Variants in SERPINA6 observed in about 807,000 individuals in gnomAD.
The protein encoded by SERPINA6 is corticosteroid-binding globulin.
SERPINA6 carries 19 observed loss-of-function variants against 26.4 expected under a neutral mutation model. The observed-to-expected ratio is 0.72, with a 90% CI of 0.50 to 1.06. The LOEUF is 1.06. Among genes scored for constraint, SERPINA6 ranks in the 50% least tolerant of loss-of-function variants. SERPINA6 has a pLI of 0.00. For synonymous variants in SERPINA6, 196 were observed against 199.4 expected, an observed-to-expected ratio of 0.98 and a Z score of 0.14; for missense variants, 473 against 504.0, an observed-to-expected ratio of 0.94 and a Z score of 0.59.
intron 1 of SERPINA6, among the ~76,000 whole-genome samples, chr14:94,319,394 T>C (rs925060467): frequency 1.3e-5 from 2 of 152,244 alleles, no homozygotes; most frequent in African/African-American, 4.8e-5. Context: ...GAAAACAATA[T>C]GACAGTTCTT....
At position 94,304,337 on chromosome 14, in the gene SERPINA6, A is replaced by T. The variant is rs1044792962; in HGVS notation, c.*81T>A. 6 of 1,403,774 alleles carry T rather than the reference A, an allele frequency of 4.3e-6. No individual in the cohort carries two copies. Among genetic ancestry groups the T allele is most frequent in the African/African-American group, 1.4e-5 (1 of 70,260 alleles). 87.0% of individuals were successfully genotyped at this position (1,403,774 alleles called of 1,614,324 possible). ...AAGAACTTGGAGGAGATTGGGGGAA[A>T]CCTCCCGCTCTCCAAAACATTTCTG... is the stretch of plus-strand genomic sequence containing the variant. On this transcript the variant is annotated 3_prime_UTR_variant, in exon 5 of 5. Coordinates refer to ENST00000341584, the MANE Select transcript of SERPINA6 (RefSeq NM_001756.4).
intron 3 of SERPINA6, among the ~76,000 whole-genome samples, chr14:94,307,511 G>A (rs1449396117): frequency 6.6e-6 from 1 of 152,204 alleles, no homozygotes; most frequent in Non-Finnish European, 1.5e-5. Flanking sequence ...ATTATTTTTG[G>A]TGTAAAGAAA....
intron 2 of SERPINA6, among the ~76,000 whole-genome samples, chr14:94,313,303 C>A (rs965901886): frequency 6.6e-6 from 1 of 152,172 alleles, no homozygotes; most frequent in Non-Finnish European, 1.5e-5. Flanking sequence ...CTTTCATGTC[C>A]AGGGGGAATT....
At chr14:94,314,776 C>A in intron 1 of SERPINA6, 109 bp from the exon 2 acceptor site, 1 of 1,016,198 alleles carries the variant, frequency 9.8e-7, no homozygotes, top group East Asian at 2.4e-5. Flanking sequence ...GTTCCTTCCT[C>A]CACACTGGCT....
chr14:94,310,091 C>G (rs1320578944), intron 2 of SERPINA6, 85 bp from the exon 3 acceptor site: 3 of 1,385,470 alleles, frequency 2.2e-6, no homozygotes, highest in Non-Finnish European at 3.0e-6. Flanking sequence ...CCAAGTGACA[C>G]AGTGGCCTTC....
chr14:94,313,595 G>C (rs981752954), intron 2 of SERPINA6, among the ~76,000 whole-genome samples: 1 of 152,178 alleles, frequency 6.6e-6, no homozygotes, highest in Non-Finnish European at 1.5e-5. Flanking sequence ...AGGTTTTTAT[G>C]AACAGGAAGA....
At chr14:94,304,880 A>C (rs1367044156) in intron 4 of SERPINA6, among the ~76,000 whole-genome samples, 2 of 152,162 alleles carry the variant, frequency 1.3e-5, no homozygotes, top group African/African-American at 2.4e-5. Flanking sequence ...ACTGGGCTTC[A>C]CTGTCCATGT....
intron 3 of SERPINA6, among the ~76,000 whole-genome samples, chr14:94,308,768 CATTT>C (rs66526244): frequency 6.6e-6 from 1 of 152,180 alleles, no homozygotes; most frequent in Non-Finnish European, 1.5e-5. Context: ...GGGAAAATCT[CATTT>C]GTTTGTGCAT....
chr14:94,309,649 G>T, intron 3 of SERPINA6, 87 bp downstream of exon 3: 1 of 1,475,194 alleles, frequency 6.8e-7, no homozygotes, highest in Non-Finnish European at 9.4e-7. Context: ...GGGAAGGAAG[G>T]ATGCCCCAGC....
chr14:94,308,894 TCACTCACTCACCATTCTATG>T (rs940381399), intron 3 of SERPINA6, among the ~76,000 whole-genome samples: 13 of 152,146 alleles, frequency 8.5e-5, no homozygotes, highest in Admixed American at 2.0e-4. Context: ...ACCCATCCAT[TCACTCACTCACCATTCTATG>T]CACTCACTCA....
At chr14:94,318,721 G>A (rs1343026559) in intron 1 of SERPINA6, among the ~76,000 whole-genome samples, 1 of 152,044 alleles carries the variant, frequency 6.6e-6, no homozygotes, top group Non-Finnish European at 1.5e-5. Context: ...AAAAAAACAT[G>A]GGGGAAAAAC....
At chr14:94,321,320 G>A (rs537416807) in intron 1 of SERPINA6, among the ~76,000 whole-genome samples, 1 of 152,192 alleles carries the variant, frequency 6.6e-6, no homozygotes, top group African/African-American at 2.4e-5. Context: ...AGTTTTCAGG[G>A]ACTCCCCATT....
rs756512109 is a variant in SERPINA6, at chr14:94,306,114, T to C, written c.989A>G (p.Asn330Ser). Residue 330 changes from asparagine (N) to serine (S), a missense_variant, in exon 4 of 5, where the codon AAT becomes AGT. Asn to Ser is a conservative substitution (Grantham distance 46, BLOSUM62 1). Coordinates refer to ENST00000341584, the MANE Select transcript of SERPINA6 (RefSeq NM_001756.4). ...GGCGTCCTGGGTGATGCGTGAGAAA[T>C]TTGCCTGGTTGGTGAACAAGTCTGC... is the stretch of plus-strand genomic sequence containing the variant. The part of the protein sequence containing the change: ...GIADLFTNQA[N>S]FSRITQDAQL... 1.5e-5 allele frequency: 24 copies of C among 1,614,022 alleles called. No individual in the cohort carries two copies. Among genetic ancestry groups the C allele is most frequent in the African/African-American group, 5.3e-5 (4 of 74,896 alleles).
intron 2 of SERPINA6, 117 bp downstream of exon 2, chr14:94,313,919 A>T: frequency 9.4e-7 from 1 of 1,067,160 alleles, no homozygotes. Context: ...GGAGATTCCC[A>T]GATGTGTATG....
At chr14:94,311,483 C>T (rs1895529077) in intron 2 of SERPINA6, among the ~76,000 whole-genome samples, 1 of 152,034 alleles carries the variant, frequency 6.6e-6, no homozygotes, top group Non-Finnish European at 1.5e-5. Context: ...TGGGGTTCAG[C>T]CTCTACTTTA....
chr14:94,316,250 A>G (rs1302200133), intron 1 of SERPINA6, among the ~76,000 whole-genome samples: 1 of 152,224 alleles, frequency 6.6e-6, no homozygotes, highest in Non-Finnish European at 1.5e-5. Flanking sequence ...TCTGTCTTTT[A>G]AAATCTATTG....
chr14:94,323,096 T>G (rs1895706930), intron 1 of SERPINA6, among the ~76,000 whole-genome samples, 171 bp downstream of exon 1: 1 of 151,982 alleles, frequency 6.6e-6, no homozygotes, highest in African/African-American at 2.4e-5. Flanking sequence ...GACTCCGGGG[T>G]CTGGAAAATC....
Position 94,306,203 on chromosome 14 carries a change from G to C in SERPINA6, c.900C>G (p.Tyr300Ter). ...CTCCAGAGATGGTGACCTTTGGAAT[G>C]TACAGGTCCACCTGGCTGCTCGGGG... ...AGLTSSQVDL[Y>*]IPKVTISGVY... The change falls in exon 4 of 5, where the codon TAC becomes TAG. Residue 300 changes from tyrosine (Y) to a stop codon, truncating the protein, a stop_gained. Transcript: ENST00000341584. LOFTEE classifies it high-confidence loss of function. 6.2e-7 allele frequency: 1 copy of C among 1,614,152 alleles called. No individual in the cohort carries two copies. The highest frequency in any genetic ancestry group is 8.5e-7 in the Non-Finnish European group (1 of 1,180,006).
chr14:94,309,722 GC>G lies in SERPINA6; in HGVS notation c.884+13del, dbSNP rs779779109. 5 of 1,613,518 alleles carry G rather than the reference GC, an allele frequency of 3.1e-6. No homozygotes were observed. Among genetic ancestry groups the G allele is most frequent in the Non-Finnish European group, 4.2e-6 (5 of 1,179,932 alleles). On this transcript the variant is annotated intron_variant, in intron 3 of 4. Transcript: ENST00000341584. ...GTGCATTGCAGAAATCAACATGATG[GC>G]TGGAGGACTTACCTGCTGGTCAGGC...
Sources: gnomAD v4.1 joint callset for allele counts (sites outside exome capture counted in the v4.1 genomes callset) on GRCh38, gnomAD v4.1.1 for gene constraint, MANE v1.5 for transcripts, NCBI Gene and HGNC (gene_info 2026-07-23, HGNC 2026-07-21) for gene names.